The following PPP4R1 variants were observed in gnomAD, a reference collection of about 807,000 sequenced individuals.
The protein encoded by PPP4R1 is serine/threonine-protein phosphatase 4 regulatory subunit 1.
Under a neutral mutation model 111.2 loss-of-function variants are expected in PPP4R1, and 42 were observed. The observed-to-expected ratio is 0.38, with a 90% CI of 0.29 to 0.49. PPP4R1 has a LOEUF of 0.49. PPP4R1 is among the 20% of genes least tolerant of loss of function. The probability of loss-of-function intolerance (pLI) is 0.97; values close to 1 mark genes in which losing one functional copy is unlikely to be tolerated. For synonymous variants in PPP4R1, 409 were observed against 405.5 expected (o/e 1.01, Z -0.10); for missense variants, 1,012 against 1,161.6 (o/e 0.87, Z 1.87).
rs542211508 is a variant in PPP4R1 at position 9,547,460 on chromosome 18, G to A, written c.*329C>T. The stretch of plus-strand genomic sequence containing the variant: ...AGGAGAAAGCAATGCAGGTCTCTGG[G>A]AATCTCATCCCTTCCATAAGGAAAA... On this transcript the variant is annotated 3_prime_UTR_variant, in exon 20 of 20. Coordinates refer to ENST00000400556, the MANE Select transcript of PPP4R1 (RefSeq NM_001042388.3). 86 of 214,998 alleles carry A rather than the reference G, an allele frequency of 4.0e-4. No homozygotes were observed. The highest frequency in any genetic ancestry group is 1.8e-3 in the African/African-American group (81 of 44,622). 13.3% of individuals were successfully genotyped at this position (214,998 alleles called of 1,614,324 possible). A position where few individuals can be genotyped will look rare whatever the true frequency, so the allele number is the denominator to read the frequency against.
At chr18:9,612,895 T>C (rs963784217) in intron 2 of PPP4R1, among the ~76,000 whole-genome samples, 20 of 152,246 alleles carry the variant, frequency 1.3e-4, no homozygotes, top group Admixed American at 3.9e-4. Context: ...GTGGTTCATT[T>C]ACTTTAAAGA....
rs1244871330 is a variant in PPP4R1 at position 9,561,973 on chromosome 18, CACTT to C, written c.1842+3_1842+6del. The C allele has an allele frequency of 6.3e-7, 1 of 1,599,256 alleles. No individual in the cohort carries two copies. Among genetic ancestry groups the C allele is most frequent in the African/African-American group, 1.3e-5 (1 of 74,464 alleles). On this transcript the variant is annotated splice_donor_5th_base_variant and intron_variant, in intron 13 of 19. Coordinates refer to ENST00000400556, the MANE Select transcript of PPP4R1 (RefSeq NM_001042388.3). ...CCCACAAAAGAACACATTTTTTGGT[CACTT>C]ACTTGTACTTTAGTTCTCCTTTCCT...
chr18:9,587,292 CT>C (rs1173277420), intron 6 of PPP4R1: 1 of 151,496 alleles, frequency 6.6e-6, no homozygotes, highest in Non-Finnish European at 1.5e-5. Flanking sequence ...GTACACTTTC[CT>C]TTGTAAGCCT....
intron 15 of PPP4R1, among the ~76,000 whole-genome samples, chr18:9,555,956 G>GA (rs1379917630): frequency 6.7e-6 from 1 of 148,924 alleles, no homozygotes; most frequent in Non-Finnish European, 1.5e-5. Context: ...CCAACACGGT[G>GA]AAACCCCATC....
chr18:9,554,265 C>T (rs541160418), intron 15 of PPP4R1, among the ~76,000 whole-genome samples: 1 of 151,806 alleles, frequency 6.6e-6, no homozygotes, highest in Admixed American at 6.6e-5. Flanking sequence ...GTAGCTGGGA[C>T]TACAGGCGCA....
intron 11 of PPP4R1, among the ~76,000 whole-genome samples, chr18:9,569,086 C>G (rs1228420387): frequency 6.6e-6 from 1 of 150,534 alleles, no homozygotes; most frequent in Admixed American, 6.6e-5. Flanking sequence ...ATCCCAGCTA[C>G]TCGGGAAGCT....
intron 2 of PPP4R1, among the ~76,000 whole-genome samples, chr18:9,605,367 T>C (rs191970025): frequency 1.3e-5 from 2 of 152,162 alleles, no homozygotes; most frequent in Admixed American, 1.3e-4. Context: ...TAACACTAAA[T>C]GGGTAAATGT....
chr18:9,555,478 C>A (rs925749028), intron 15 of PPP4R1, among the ~76,000 whole-genome samples: 1 of 152,124 alleles, frequency 6.6e-6, no homozygotes, highest in Admixed American at 6.6e-5. Context: ...TAAAGTATCA[C>A]CTCACCAATT....
chr18:9,604,109 T>C (rs561752303), intron 2 of PPP4R1, among the ~76,000 whole-genome samples: 3 of 152,338 alleles, frequency 2.0e-5, no homozygotes, highest in South Asian at 4.1e-4. Context: ...ATTAGAAATA[T>C]ATCCTTTGCA....
At chr18:9,611,511 T>C (rs1341028804) in intron 2 of PPP4R1, among the ~76,000 whole-genome samples, 1 of 152,216 alleles carries the variant, frequency 6.6e-6, no homozygotes, top group Non-Finnish European at 1.5e-5. Context: ...AGATGGGAAG[T>C]GGTCCTTCAA....
At chr18:9,612,167 T>C (rs1308589652) in intron 2 of PPP4R1, among the ~76,000 whole-genome samples, 4 of 152,216 alleles carry the variant, frequency 2.6e-5, no homozygotes, top group Non-Finnish European at 4.4e-5. Flanking sequence ...CATCGCTGTT[T>C]ACCAGGAATT....
At chr18:9,573,523 GGAAGA>G (rs1167893670) in intron 10 of PPP4R1, among the ~76,000 whole-genome samples, 3 of 152,118 alleles carry the variant, frequency 2.0e-5, no homozygotes, top group African/African-American at 7.2e-5. Flanking sequence ...TCAGAAAGGG[GGAAGA>G]GAAGAGCAAA....
At chr18:9,548,854 G>A (rs1278568818) in intron 19 of PPP4R1, among the ~76,000 whole-genome samples, 4 of 152,218 alleles carry the variant, frequency 2.6e-5, no homozygotes, top group African/African-American at 7.2e-5. Flanking sequence ...GAAGGCAGAG[G>A]TTACAGTGAG....
chr18:9,586,541 ATTACTGAAAAAGTAAAT>A (rs1247056748), intron 6 of PPP4R1, among the ~76,000 whole-genome samples: 7 of 152,068 alleles, frequency 4.6e-5, no homozygotes, highest in African/African-American at 1.7e-4. Flanking sequence ...CAGTAAAAAC[ATTACTGAAAAAGTAAAT>A]TTATTATTAA....
chr18:9,587,051 C>T (rs2067128607), intron 6 of PPP4R1, among the ~76,000 whole-genome samples: 2 of 152,186 alleles, frequency 1.3e-5, no homozygotes, highest in East Asian at 3.8e-4. Flanking sequence ...GCCTGACCAT[C>T]CTTCCCACAA....
intron 10 of PPP4R1, among the ~76,000 whole-genome samples, chr18:9,575,526 A>G (rs1568104188): frequency 6.6e-6 from 1 of 152,232 alleles, no homozygotes; most frequent in South Asian, 2.1e-4. Flanking sequence ...ACATAATTTA[A>G]TAAGCTCTAA....
At position 9,547,805 on chromosome 18, in the gene PPP4R1, G is replaced by A. The variant is rs747017763; in HGVS notation, c.2837C>T (p.Ala946Val). The change falls in exon 20 of 20, where the codon GCG becomes GTG. Residue 946 changes from alanine to valine, a missense_variant. This residue lies in a region of PPP4R1 where 305 missense variants were observed against 419.5 expected (regional missense o/e 0.73). Transcript: ENST00000400556. ...TKISEDAMST[A>V]SSTY ...TCAAGCCTTCTAGTAGGTTGAGGAC[G>A]CTGTGCTCATGGCATCTTCGGAGAT... The A allele has an allele frequency of 6.8e-6, 11 of 1,613,112 alleles. No individual in the cohort carries two copies. The highest frequency in any genetic ancestry group is 2.2e-5 in the East Asian group (1 of 44,876).
At chr18:9,580,847 G>A (rs1345102822) in intron 9 of PPP4R1, among the ~76,000 whole-genome samples, 1 of 152,164 alleles carries the variant, frequency 6.6e-6, no homozygotes, top group Non-Finnish European at 1.5e-5. Context: ...TTTGGGTGTG[G>A]CACACTGAAA....
At chr18:9,551,586 T>C (rs2066489371) in intron 16 of PPP4R1, 1 of 152,294 alleles carries the variant, frequency 6.6e-6, no homozygotes, top group Non-Finnish European at 1.5e-5. Context: ...AGCAACTGAC[T>C]GACAGCCATG....
Sources: allele counts gnomAD v4.1 joint callset (sites outside exome capture counted in the v4.1 genomes callset), GRCh38; gene constraint gnomAD v4.1.1; regional missense constraint gnomAD v4.1.1; transcripts MANE v1.5; gene names NCBI Gene and HGNC (gene_info 2026-07-23, HGNC 2026-07-21).